The following DNAH11 variants were observed in gnomAD, a reference collection of about 807,000 sequenced individuals.
DNAH11 encodes dynein axonemal heavy chain 11.
In DNAH11, 442 loss-of-function variants were observed where a neutral mutation model predicts 526.0. The observed-to-expected ratio is 0.84, with a 90% CI of 0.78 to 0.91. The LOEUF (loss-of-function observed/expected upper bound fraction) is 0.91. DNAH11 is among the 40% of genes least tolerant of loss of function. The pLI is 0.00. For synonymous variants in DNAH11, 2,461 were observed against 1,935.9 expected (o/e 1.27, Z -7.12); for missense variants, 6,989 against 5,448.7 (o/e 1.28, Z -8.90).
intron 70 of DNAH11, among the ~76,000 whole-genome samples, chr7:21,865,023 C>A (rs1783219545): frequency 6.6e-6 from 1 of 152,020 alleles, no homozygotes. Flanking sequence ...ATCGTTTCAC[C>A]ATTTTTCTAA....
At chr7:21,635,717 C>G (rs1786830911) in intron 25 of DNAH11, among the ~76,000 whole-genome samples, 154 bp from the exon 26 acceptor site, 2 of 152,120 alleles carry the variant, frequency 1.3e-5, no homozygotes, top group African/African-American at 4.8e-5. Flanking sequence ...CACTCATTCA[C>G]TCATTTAGCA....
intron 28 of DNAH11, among the ~76,000 whole-genome samples, chr7:21,647,313 A>T (rs1197061759): frequency 1.3e-5 from 2 of 152,186 alleles, no homozygotes; most frequent in African/African-American, 4.8e-5. Flanking sequence ...TAGAAGTCTC[A>T]AAATCATCCA....
chr7:21,899,925 G>T, intron 80 of DNAH11, 55 bp from the exon 81 acceptor site: 1 of 1,589,514 alleles, frequency 6.3e-7, no homozygotes, highest in South Asian at 1.1e-5. Context: ...GGTAGCTCCC[G>T]GGAACCTTAC....
At chr7:21,784,011 G>A (rs929779124) in intron 57 of DNAH11, among the ~76,000 whole-genome samples, 1 of 152,154 alleles carries the variant, frequency 6.6e-6, no homozygotes, top group Non-Finnish European at 1.5e-5. Flanking sequence ...GCAAAAGTTA[G>A]CAAAAATTAG....
chr7:21,564,145 AAC>A lies in DNAH11; in HGVS notation c.983-39_983-38del, dbSNP rs761895557. On this transcript the variant is annotated intron_variant, in intron 5 of 81. Coordinates refer to ENST00000409508, the MANE Select transcript of DNAH11 (RefSeq NM_001277115.2). ...AAAGTGAATTTAGAAAAAAAAAAAAAACAAACCAGAATCACGTTAATGGTGGT... is the reference window on the plus strand; with the variant it reads ...AAAGTGAATTTAGAAAAAAAAAAAAAAAACCAGAATCACGTTAATGGTGGT... 2.5e-4 allele frequency: 360 copies of A among 1,458,398 alleles called. 3 individuals carry two copies. In the South Asian group the frequency reaches 2.8e-3, roughly 11 times the overall value. The allele number at this position is 1,458,398 out of a possible 1,614,324, so 90.3% of individuals were successfully genotyped here.
At position 21,543,419 on chromosome 7, in the gene DNAH11, G is replaced by T; in HGVS notation, c.174G>T (p.Arg58=). ...RRARSFAQDA[R]VRFLGGRLAM... The stretch of plus-strand genomic sequence containing the variant: ...CGCGGAGTTTCGCCCAAGACGCGCG[G>T]GTGCGCTTCCTCGGCGGCCGCCTGG... Residue 58 remains arginine, a synonymous_variant, in exon 1 of 82, where the codon CGG becomes CGT. Transcript: ENST00000409508. 1 of 1,555,356 alleles carries T rather than the reference G, an allele frequency of 6.4e-7. No homozygotes were observed. Among genetic ancestry groups the T allele is most frequent in the Non-Finnish European group, 8.7e-7 (1 of 1,148,788 alleles).
Position 21,720,757 on chromosome 7 carries a change from T to G in DNAH11, c.7167T>G (p.Thr2389=). 6.3e-7 allele frequency: 1 copy of G among 1,592,070 alleles called. No individual in the cohort carries two copies. The highest frequency in any genetic ancestry group is 8.6e-7 in the Non-Finnish European group (1 of 1,168,150). ...TLCVLLECLL[T]PENVPSDSPK... ...GTGTTCTTTTGGAGTGCTTGCTGAC[T>G]CCTGAAAATGTACCTTCTGACAGCC... The change falls in exon 44 of 82, where the codon ACT becomes ACG. Residue 2389 remains threonine, a synonymous_variant. Coordinates refer to ENST00000409508, the MANE Select transcript of DNAH11 (RefSeq NM_001277115.2).
chr7:21,650,031 T>TAG (rs2128463455), intron 28 of DNAH11, among the ~76,000 whole-genome samples: 1 of 152,248 alleles, frequency 6.6e-6, no homozygotes, highest in South Asian at 2.1e-4. Flanking sequence ...ATTTATTAAG[T>TAG]TGTACACACA....
intron 44 of DNAH11, among the ~76,000 whole-genome samples, chr7:21,725,059 C>T (rs902588895): frequency 7.2e-6 from 1 of 138,424 alleles, no homozygotes; most frequent in African/African-American, 2.7e-5. Flanking sequence ...TATTTTCCAA[C>T]CCTAATCTAG....
intron 2 of DNAH11, among the ~76,000 whole-genome samples, chr7:21,552,467 T>C (rs1047897721): frequency 6.6e-6 from 1 of 152,216 alleles, no homozygotes; most frequent in Non-Finnish European, 1.5e-5. Flanking sequence ...TCCTAAATAT[T>C]TAACTTCTTT....
intron 20 of DNAH11, among the ~76,000 whole-genome samples, chr7:21,613,642 C>T (rs564663981): frequency 1.3e-5 from 2 of 152,228 alleles, no homozygotes; most frequent in South Asian, 2.1e-4. Flanking sequence ...TTAATAGCAA[C>T]GTACTGTATT....
chr7:21,862,248 G>C (rs1393579322), intron 69 of DNAH11, among the ~76,000 whole-genome samples: 9 of 151,612 alleles, frequency 5.9e-5, no homozygotes, highest in Non-Finnish European at 1.2e-4. Context: ...CGGTGGGGTG[G>C]GTATACACAT....
intron 65 of DNAH11, among the ~76,000 whole-genome samples, chr7:21,830,397 C>A (rs1012179519): frequency 1.3e-5 from 2 of 152,164 alleles, no homozygotes; most frequent in East Asian, 1.9e-4. Flanking sequence ...GAGTTTCTGA[C>A]CAAAGACTAG....
intron 8 of DNAH11, among the ~76,000 whole-genome samples, chr7:21,572,970 C>T (rs1312914100): frequency 6.6e-6 from 1 of 152,172 alleles, no homozygotes; most frequent in Non-Finnish European, 1.5e-5. Flanking sequence ...GAATGGGATT[C>T]TTAAGAGAGC....
At chr7:21,732,110 C>G (rs1045109092) in intron 45 of DNAH11, among the ~76,000 whole-genome samples, 25 of 152,190 alleles carry the variant, frequency 1.6e-4, no homozygotes, top group African/African-American at 6.0e-4. Flanking sequence ...TTTGCTAGGG[C>G]TGCCATAACA....
intron 49 of DNAH11, 121 bp downstream of exon 49, chr7:21,742,287 G>T (rs1785942274): frequency 8.2e-7 from 1 of 1,216,718 alleles, no homozygotes; most frequent in East Asian, 2.5e-5. Context: ...ATAAAGAAAA[G>T]AGGTTTAATT....
chr7:21,702,499 C>T (rs1199421597), intron 36 of DNAH11, among the ~76,000 whole-genome samples: 7 of 147,116 alleles, frequency 4.8e-5, no homozygotes, highest in Non-Finnish European at 8.9e-5. Context: ...GACTTGCTGA[C>T]AGAGGCAAAA....
At chr7:21,826,257 TAAAG>T (rs530717112) in intron 65 of DNAH11, among the ~76,000 whole-genome samples, 4 of 152,020 alleles carry the variant, frequency 2.6e-5, no homozygotes, top group South Asian at 2.1e-4. Context: ...TAAAACAAAA[TAAAG>T]ACTTTCTTAT....
At chr7:21,871,963 A>G (rs548182595) in intron 73 of DNAH11, among the ~76,000 whole-genome samples, 1 of 151,718 alleles carries the variant, frequency 6.6e-6, no homozygotes, top group African/African-American at 2.4e-5. Flanking sequence ...TCTACTAAAA[A>G]TACAAAAAAA....
Sources: gnomAD v4.1 joint callset for allele counts (sites outside exome capture counted in the v4.1 genomes callset) on GRCh38, gnomAD v4.1.1 for gene constraint, MANE v1.5 for transcripts, NCBI Gene and HGNC (gene_info 2026-07-23, HGNC 2026-07-21) for gene names.